Variants in NTRK3 observed in about 807,000 individuals in gnomAD.
NTRK3 encodes NT-3 growth factor receptor.
A neutral mutation model predicts 91.7 loss-of-function variants in NTRK3; 24 were observed. The observed-to-expected ratio is 0.26, with a 90% CI of 0.19 to 0.37. The LOEUF (loss-of-function observed/expected upper bound fraction) is 0.37, where lower values mean the gene tolerates loss of function less well. NTRK3 is among the 10% of genes least tolerant of loss of function. The pLI is 1.00. For missense variants in NTRK3, 880 were observed against 1,068.9 expected (o/e 0.82, Z 2.46); for synonymous variants, 483 against 404.0 (o/e 1.20, Z -2.34).
At chr15:88,135,328 C>T (rs764882745) in exon 10 of NTRK3, 22 of 1,614,078 alleles carry the variant, frequency 1.4e-5, no homozygotes, top group East Asian at 1.1e-4. Context: ...GGGGTTGCCA[C>T]GCACCACAAA....
chr15:88,034,923 C>T (rs1278860869), intron 13 of NTRK3, among the ~76,000 whole-genome samples: 1 of 152,122 alleles, frequency 6.6e-6, no homozygotes, highest in Non-Finnish European at 1.5e-5. Flanking sequence ...ATAGCAAATT[C>T]CAGTTAAACA....
chr15:88,254,604 C>T (rs183133717), intron 3 of NTRK3, among the ~76,000 whole-genome samples: 1 of 152,288 alleles, frequency 6.6e-6, no homozygotes, highest in Admixed American at 6.5e-5. Flanking sequence ...ACTGCAATTC[C>T]TCCAGGCTTT....
intron 5 of NTRK3, among the ~76,000 whole-genome samples, chr15:88,153,556 C>CT (rs532414948): frequency 2.6e-5 from 4 of 151,930 alleles, no homozygotes; most frequent in South Asian, 2.1e-4. Context: ...TGCCCAGCCT[C>CT]TTTTTTTTCA....
chr15:87,978,452 G>C (rs971038347), intron 14 of NTRK3: 2 of 228,730 alleles, frequency 8.7e-6, no homozygotes, highest in African/African-American at 2.2e-5. Flanking sequence ...AGTAGGGGAA[G>C]AGAGCCAATC....
chr15:88,248,540 A>G (rs1473722530), intron 3 of NTRK3, among the ~76,000 whole-genome samples: 14 of 148,776 alleles, frequency 9.4e-5, no homozygotes, highest in Middle Eastern at 3.4e-3. Flanking sequence ...GTGTGTGTGC[A>G]TGTGTGCATA....
chr15:88,071,273 A>T (rs1343265677), intron 13 of NTRK3, among the ~76,000 whole-genome samples: 1 of 152,238 alleles, frequency 6.6e-6, no homozygotes, highest in African/African-American at 2.4e-5. Flanking sequence ...CTGACTCTGC[A>T]GGGAGCAGCC....
chr15:88,037,631 G>A (rs1356605537), intron 13 of NTRK3, among the ~76,000 whole-genome samples: 1 of 152,106 alleles, frequency 6.6e-6, no homozygotes, highest in African/African-American at 2.4e-5. Flanking sequence ...AATACACTGA[G>A]GACAAACAGG....
chr15:88,024,951 G>T (rs79259079), intron 14 of NTRK3, among the ~76,000 whole-genome samples: 1,539 of 152,296 alleles, frequency 0.01, 26 homozygotes, highest in African/African-American at 0.036. Context: ...CTCACTATTA[G>T]TCAATGTGAA....
At chr15:87,945,655 A>G (rs953152789) in intron 14 of NTRK3, among the ~76,000 whole-genome samples, 1 of 152,164 alleles carries the variant, frequency 6.6e-6, no homozygotes, top group Non-Finnish European at 1.5e-5. Flanking sequence ...CGCTGGACAC[A>G]GAGGTGACCA....
chr15:87,871,185 T>C (rs1323437397), exon 19 of NTRK3: 2 of 231,060 alleles, frequency 8.7e-6, no homozygotes, highest in African/African-American at 4.4e-5. Flanking sequence ...GCATCTATTC[T>C]AGTACACTGA....
intron 14 of NTRK3, among the ~76,000 whole-genome samples, chr15:87,952,231 A>C (rs2071192139): frequency 7.1e-6 from 1 of 141,348 alleles, no homozygotes; most frequent in Non-Finnish European, 1.5e-5. Flanking sequence ...AAGAGAAAGA[A>C]AAGAAAAGAA....
At chr15:88,000,512 C>T (rs578095980) in intron 14 of NTRK3, among the ~76,000 whole-genome samples, 6 of 152,256 alleles carry the variant, frequency 3.9e-5, no homozygotes, top group African/African-American at 1.4e-4. Context: ...TTATTCATCA[C>T]CCTGTGTGCC....
intron 5 of NTRK3, among the ~76,000 whole-genome samples, chr15:88,162,652 G>A (rs570448099): frequency 1.3e-5 from 2 of 152,314 alleles, no homozygotes; most frequent in South Asian, 2.1e-4. Context: ...AAGGGGATTC[G>A]AAAGAGCGCT....
Position 88,135,266 on chromosome 15 carries a change from T to A in NTRK3, c.1039A>T (p.Ile347Phe), listed in dbSNP as rs1468041467. 5 of 1,614,006 alleles carry A rather than the reference T, an allele frequency of 3.1e-6. No homozygotes were observed. In the Admixed American group the frequency reaches 8.3e-5, roughly 27 times the overall value. ...TCTTGGTAGTATTCCACATGGATGA[T>A]CTTGGACTCCCGCAGAGGCTGCCCA... Residue 347 changes from isoleucine (I) to phenylalanine (F), a missense_variant, in exon 10 of 19, where the codon ATC (isoleucine) becomes TTC (phenylalanine). By Grantham distance (21) the Ile-to-Phe change is conservative. Transcript: ENST00000394480.
chr15:88,058,540 T>C (rs999707240), intron 13 of NTRK3, among the ~76,000 whole-genome samples: 7 of 152,112 alleles, frequency 4.6e-5, no homozygotes, highest in African/African-American at 1.7e-4. Flanking sequence ...CCCCTAGTAT[T>C]GGCATTTTTT....
intron 5 of NTRK3, among the ~76,000 whole-genome samples, chr15:88,162,081 GA>G (rs1439982765): frequency 2.6e-5 from 4 of 152,142 alleles, no homozygotes; most frequent in African/African-American, 9.7e-5. Context: ...CTGGGACTAA[GA>G]ATTCTAAATA....
intron 5 of NTRK3, among the ~76,000 whole-genome samples, chr15:88,171,138 G>T (rs577887870): frequency 6.6e-6 from 1 of 152,288 alleles, no homozygotes; most frequent in South Asian, 2.1e-4. Flanking sequence ...GGAAGGGAGA[G>T]GGACTCAGGG....
intron 14 of NTRK3, among the ~76,000 whole-genome samples, chr15:87,969,004 T>C (rs535444613): frequency 1.3e-5 from 2 of 152,286 alleles, no homozygotes; most frequent in East Asian, 3.9e-4. Context: ...TTTTATCTCC[T>C]CACATAACAT....
chr15:88,243,183 C>A lies in NTRK3; in HGVS notation c.248+12723G>T, dbSNP rs1039968727. Among the ~76,000 whole-genome samples the A allele has an allele frequency of 1.3e-5, 2 of 152,190 alleles. No individual in the cohort carries two copies. Among genetic ancestry groups the A allele is most frequent in the Middle Eastern group, 3.2e-3 (1 of 316 alleles). ...CTGCCAAGAGAATAAAATTGCACCC[C>A]TCCTCCACGCCCTTGCCCCCTCCCC... On this transcript the variant is annotated intron_variant, in intron 3 of 18. Coordinates refer to ENST00000394480, the Ensembl canonical transcript of NTRK3. This position sits in a 1 kb window ranked among gnomAD's most constrained non-coding sequence, Gnocchi z 4.8.
Sources: gnomAD v4.1 joint callset for allele counts (sites outside exome capture counted in the v4.1 genomes callset) on GRCh38, gnomAD v4.1.1 for gene constraint, Gnocchi (gnomAD v3.1) non-coding constraint, MANE v1.5 for transcripts, NCBI Gene and HGNC (gene_info 2026-07-23, HGNC 2026-07-21) for gene names.